DAB1: variants seen among roughly 807,000 people sequenced by gnomAD.
DAB1 encodes the protein disabled homolog 1.
A neutral mutation model predicts 64.6 loss-of-function variants in DAB1; 15 were observed. The observed-to-expected ratio is 0.23, with a 90% CI of 0.16 to 0.36. The LOEUF (loss-of-function observed/expected upper bound fraction) is 0.36. Among genes scored for constraint, DAB1 ranks in the 10% least tolerant of loss-of-function variants. DAB1 has a pLI of 1.00. For synonymous variants in DAB1, 235 were observed against 251.9 expected, an observed-to-expected ratio of 0.93 and a Z score of 0.64; for missense variants, 596 against 706.7, an observed-to-expected ratio of 0.84 and a Z score of 1.78.
chr1:57,388,452 A>C (rs1342805662), intron 1 of DAB1, among the ~76,000 whole-genome samples: 2 of 151,956 alleles, frequency 1.3e-5, no homozygotes, highest in African/African-American at 4.8e-5. Context: ...TCTGTCCCAA[A>C]GTGATGTGAT....
chr1:57,129,120 A>G (rs557707034), intron 4 of DAB1, among the ~76,000 whole-genome samples: 1 of 152,262 alleles, frequency 6.6e-6, no homozygotes, highest in East Asian at 1.9e-4. Context: ...CTTTTTAAAG[A>G]CCAAGACTGA....
intron 6 of DAB1, among the ~76,000 whole-genome samples, chr1:57,809,098 A>G (rs1279834791): frequency 1.3e-5 from 2 of 152,232 alleles, no homozygotes; most frequent in Non-Finnish European, 2.9e-5. Context: ...CTCATATTTC[A>G]TAACTGTGAT....
chr1:57,375,538 G>A lies in DAB1; in HGVS notation c.-137+48392C>T, dbSNP rs918252894. On this transcript the variant is annotated intron_variant, in intron 1 of 14. Transcript: ENST00000371236. ...AGTAAATATCAGAAAAGGAGCCTGG[G>A]ACACAGAAATATATGCAGTAGGCCC... Among the ~76,000 whole-genome samples the A allele has an allele frequency of 1.1e-4, 16 of 152,164 alleles. No homozygotes were observed. In the East Asian group the frequency reaches 2.7e-3, roughly 26 times the overall value.
chr1:57,559,423 A>C (rs910580389), intron 7 of DAB1, among the ~76,000 whole-genome samples: 1 of 152,166 alleles, frequency 6.6e-6, no homozygotes, highest in African/African-American at 2.4e-5. Flanking sequence ...TATGCAGTGA[A>C]TCTTTCTCCC....
chr1:57,580,719 G>A (rs371157178), intron 7 of DAB1, among the ~76,000 whole-genome samples: 41 of 152,236 alleles, frequency 2.7e-4, no homozygotes, highest in African/African-American at 8.9e-4. Flanking sequence ...GCAGCTACTC[G>A]TCACGGAGCA....
chr1:57,256,629 T>C (rs991297084), intron 2 of DAB1, among the ~76,000 whole-genome samples: 3 of 152,232 alleles, frequency 2.0e-5, no homozygotes, highest in Admixed American at 6.5e-5. Context: ...CAGATCTCTT[T>C]GGATTCTGAC....
chr1:58,294,202 C>T (rs962335097), intron 4 of DAB1, among the ~76,000 whole-genome samples: 5 of 152,080 alleles, frequency 3.3e-5, no homozygotes, highest in African/African-American at 4.8e-5. Context: ...ACTTTAATTT[C>T]ATCAGACAGG....
At chr1:58,103,090 A>T (rs544537087) in intron 5 of DAB1, among the ~76,000 whole-genome samples, 1 of 152,296 alleles carries the variant, frequency 6.6e-6, no homozygotes, top group South Asian at 2.1e-4. Context: ...ACAGGGATGC[A>T]TGTACCAAGC....
At chr1:57,698,380 G>A (rs1424717029) in intron 6 of DAB1, among the ~76,000 whole-genome samples, 2 of 151,830 alleles carry the variant, frequency 1.3e-5, no homozygotes, top group African/African-American at 4.8e-5. Flanking sequence ...TTACAGGCGT[G>A]AGCCACAGTG....
intron 4 of DAB1, among the ~76,000 whole-genome samples, chr1:57,118,339 G>T (rs1656327748): frequency 6.6e-6 from 1 of 152,172 alleles, no homozygotes; most frequent in Non-Finnish European, 1.5e-5. Context: ...TTGGAAGTCT[G>T]AAGGGGCCAC....
chr1:57,622,895 G>A (rs934769914), intron 7 of DAB1, among the ~76,000 whole-genome samples: 1 of 152,130 alleles, frequency 6.6e-6, no homozygotes, highest in Non-Finnish European at 1.5e-5. Context: ...AGGCCATGAG[G>A]ATCCTACAAG....
chr1:58,527,938 A>C (rs1330118771), intron 1 of DAB1, among the ~76,000 whole-genome samples: 1 of 152,232 alleles, frequency 6.6e-6, no homozygotes, highest in Non-Finnish European at 1.5e-5. Flanking sequence ...ATTTATGTGA[A>C]TGCTTTCCAG....
intron 4 of DAB1, among the ~76,000 whole-genome samples, chr1:57,111,680 CTACACAGTACT>C (rs1655672976): frequency 6.6e-6 from 1 of 152,162 alleles, no homozygotes; most frequent in African/African-American, 2.4e-5. Flanking sequence ...TTTTTAAAAA[CTACACAGTACT>C]TATCACTATC....
intron 9 of DAB1, among the ~76,000 whole-genome samples, chr1:57,039,223 C>T (rs1188517818): frequency 6.6e-6 from 1 of 152,038 alleles, no homozygotes; most frequent in South Asian, 2.1e-4. Flanking sequence ...AGAGGGATAA[C>T]AATGCTTACA....
At chr1:57,625,018 G>A (rs565422973) in intron 7 of DAB1, among the ~76,000 whole-genome samples, 1 of 152,070 alleles carries the variant, frequency 6.6e-6, no homozygotes, top group South Asian at 2.1e-4. Flanking sequence ...ATAATTATAG[G>A]ACGAAAAGTC....
intron 6 of DAB1, among the ~76,000 whole-genome samples, chr1:57,726,633 A>C (rs1395671477): frequency 6.6e-6 from 1 of 152,250 alleles, no homozygotes; most frequent in Non-Finnish European, 1.5e-5. Context: ...TTATATACTT[A>C]ACACTTCATG....
At chr1:57,584,251 C>G (rs1326014670) in intron 7 of DAB1, among the ~76,000 whole-genome samples, 2 of 152,288 alleles carry the variant, frequency 1.3e-5, no homozygotes, top group East Asian at 3.9e-4. Context: ...TATAAATCTT[C>G]TTCTACCATG....
At chr1:58,228,371 G>A (rs527251717) in intron 4 of DAB1, among the ~76,000 whole-genome samples, 1 of 152,106 alleles carries the variant, frequency 6.6e-6, no homozygotes, top group Non-Finnish European at 1.5e-5. Flanking sequence ...CTTTTTGGGG[G>A]GGTAAGGGGA....
At chr1:57,214,866 A>G (rs1376126014) in intron 2 of DAB1, among the ~76,000 whole-genome samples, 4 of 139,196 alleles carry the variant, frequency 2.9e-5, no homozygotes, top group Non-Finnish European at 6.0e-5. Flanking sequence ...AGCTGAGATC[A>G]CGCCACTGCA....
Sources: allele counts gnomAD v4.1 joint callset (sites outside exome capture counted in the v4.1 genomes callset), GRCh38; gene constraint gnomAD v4.1.1; transcripts MANE v1.5; gene names NCBI Gene and HGNC (gene_info 2026-07-23, HGNC 2026-07-21).